The following CTNNA3 variants were observed in gnomAD, a reference collection of about 807,000 sequenced individuals.
CTNNA3 encodes catenin alpha 3, also known as catenin alpha-3.
Under a neutral mutation model 95.7 loss-of-function variants are expected in CTNNA3, and 76 were observed. The ratio of observed to expected loss-of-function variants is 0.79; its 90% CI spans 0.66 to 0.96. The LOEUF (loss-of-function observed/expected upper bound fraction) is 0.96, where lower values mean the gene tolerates loss of function less well. Ranked by LOEUF, CTNNA3 falls within the 40% of genes least tolerant of loss-of-function variation. CTNNA3 has a pLI of 0.00. For missense variants in CTNNA3, 1,191 were observed against 1,089.8 expected (o/e 1.09, Z -1.31); for synonymous variants, 431 against 374.4 (o/e 1.15, Z -1.74).
At chr10:66,909,442 G>A (rs182444876) in intron 7 of CTNNA3, among the ~76,000 whole-genome samples, 1 of 152,166 alleles carries the variant, frequency 6.6e-6, no homozygotes, top group Admixed American at 6.5e-5. Context: ...CCCAGAGGTG[G>A]AGGTTGTGGT....
At chr10:66,546,008 A>T (rs1842024417) in intron 10 of CTNNA3, among the ~76,000 whole-genome samples, 1 of 151,176 alleles carries the variant, frequency 6.6e-6, no homozygotes, top group African/African-American at 2.4e-5. Context: ...TTGTCAGTTA[A>T]GTATTTTGCA....
intron 7 of CTNNA3, among the ~76,000 whole-genome samples, chr10:66,863,954 G>A (rs1050291379): frequency 6.6e-6 from 1 of 152,168 alleles, no homozygotes; most frequent in African/African-American, 2.4e-5. Flanking sequence ...TGGCATTGAG[G>A]TAATTAACAG....
chr10:66,567,878 T>C (rs1387280218), intron 10 of CTNNA3, among the ~76,000 whole-genome samples: 2 of 152,164 alleles, frequency 1.3e-5, no homozygotes, highest in Admixed American at 6.5e-5. Flanking sequence ...GTTCTCCAAG[T>C]TACAATAATA....
chr10:66,039,541 TAATAG>T (rs1397083438), intron 15 of CTNNA3, among the ~76,000 whole-genome samples: 1 of 152,062 alleles, frequency 6.6e-6, no homozygotes, highest in Non-Finnish European at 1.5e-5. Flanking sequence ...TAGACCAACT[TAATAG>T]AATAGAGAGT....
chr10:67,468,788 C>T (rs1277887084), intron 5 of CTNNA3, among the ~76,000 whole-genome samples: 1 of 152,028 alleles, frequency 6.6e-6, no homozygotes, highest in Non-Finnish European at 1.5e-5. Context: ...TGAAAGCTGC[C>T]CAGCAACCGG....
At chr10:67,608,677 G>A (rs1370989464) in intron 2 of CTNNA3, among the ~76,000 whole-genome samples, 1 of 151,936 alleles carries the variant, frequency 6.6e-6, no homozygotes, top group Non-Finnish European at 1.5e-5. Flanking sequence ...GGGAAAAAAA[G>A]AAAGAAATGA....
chr10:65,971,471 C>G (rs2078101191), intron 16 of CTNNA3, among the ~76,000 whole-genome samples: 1 of 148,602 alleles, frequency 6.7e-6, no homozygotes, highest in Admixed American at 6.7e-5. Flanking sequence ...TAAGCACAGT[C>G]AGAAGTTATA....
intron 5 of CTNNA3, among the ~76,000 whole-genome samples, chr10:67,312,403 G>A (rs1270837158): frequency 6.6e-6 from 1 of 152,156 alleles, no homozygotes; most frequent in Non-Finnish European, 1.5e-5. Context: ...TTGGCTTTAA[G>A]TGTATCTTGG....
intron 1 of CTNNA3, among the ~76,000 whole-genome samples, chr10:67,755,284 A>G (rs919935489): frequency 6.6e-6 from 1 of 152,116 alleles, no homozygotes; most frequent in Admixed American, 6.6e-5. Flanking sequence ...GCATATCAAA[A>G]CTACAATGAG....
intron 11 of CTNNA3, among the ~76,000 whole-genome samples, chr10:66,462,720 T>C (rs1482645360): frequency 1.3e-5 from 2 of 152,234 alleles, no homozygotes; most frequent in East Asian, 3.9e-4. Context: ...CTTTATAATA[T>C]AGATACTAAT....
chr10:66,719,724 AT>A (rs1336683145), intron 9 of CTNNA3, among the ~76,000 whole-genome samples: 1 of 152,180 alleles, frequency 6.6e-6, no homozygotes, highest in Non-Finnish European at 1.5e-5. Flanking sequence ...AGAGAAACAT[AT>A]TTGAGTCACT....
chr10:66,351,543 C>A (rs1490942179), intron 12 of CTNNA3, among the ~76,000 whole-genome samples: 1 of 151,938 alleles, frequency 6.6e-6, no homozygotes, highest in Non-Finnish European at 1.5e-5. Context: ...TAATGAGATT[C>A]ATAATTTTAC....
At chr10:67,699,451 G>C (rs1026633552), upstream of CTNNA3, among the ~76,000 whole-genome samples, 1 of 152,120 alleles carries the variant, frequency 6.6e-6, no homozygotes, top group African/African-American at 2.4e-5. Flanking sequence ...CCTAACCTAT[G>C]GCTTCAAATG....
intron 11 of CTNNA3, among the ~76,000 whole-genome samples, chr10:66,418,979 G>A (rs1029381846): frequency 6.6e-6 from 1 of 152,022 alleles, no homozygotes; most frequent in Non-Finnish European, 1.5e-5. Context: ...ACAAGGATAT[G>A]TACTTCCACC....
Position 66,188,584 on chromosome 10 carries a change from AG to A in CTNNA3, c.1885-85336del, listed in dbSNP as rs1554883543. On this transcript the variant is annotated intron_variant, in intron 13 of 17. Coordinates refer to ENST00000433211, the MANE Select transcript of CTNNA3 (RefSeq NM_013266.4). ...CCATTTTCTGTGTGTGTGTGGGGGGAGGGGGGGTCTCTGTGTGTGTGTGTGT... is the reference window on the plus strand; with the variant it reads ...CCATTTTCTGTGTGTGTGTGGGGGGAGGGGGGTCTCTGTGTGTGTGTGTGT... Among the ~76,000 whole-genome samples, 96 of 60,238 alleles carry A rather than the reference AG, an allele frequency of 1.6e-3. 4 individuals are homozygous for A. Among genetic ancestry groups the A allele is most frequent in the Middle Eastern group, 7.1e-3 (1 of 140 alleles). The allele number at this position is 60,238 out of a possible 152,430, so 39.5% of individuals were successfully genotyped here. A position where few individuals can be genotyped will look rare whatever the true frequency, so the allele number is the denominator to read the frequency against.
chr10:66,185,084 C>T (rs551899416), intron 13 of CTNNA3, among the ~76,000 whole-genome samples: 1 of 152,302 alleles, frequency 6.6e-6, no homozygotes. Context: ...TAGCTATTGA[C>T]TGGGTATAAC....
chr10:66,885,113 T>C (rs140465170), intron 7 of CTNNA3, among the ~76,000 whole-genome samples: 34 of 152,260 alleles, frequency 2.2e-4, no homozygotes, highest in Middle Eastern at 3.4e-3. Context: ...AAGATGAGAC[T>C]ACTGTATCAG....
chr10:67,283,116 T>C (rs566223292), intron 5 of CTNNA3, among the ~76,000 whole-genome samples: 1 of 152,256 alleles, frequency 6.6e-6, no homozygotes, highest in Admixed American at 6.5e-5. Context: ...GTTTCCCCAC[T>C]CAGTTTTTTA....
At chr10:67,258,955 T>G (rs1284400031) in intron 5 of CTNNA3, among the ~76,000 whole-genome samples, 2 of 152,124 alleles carry the variant, frequency 1.3e-5, no homozygotes, top group African/African-American at 2.4e-5. Context: ...CTCATATCCT[T>G]TAAATCATCT....
Sources: allele counts gnomAD v4.1 joint callset (sites outside exome capture counted in the v4.1 genomes callset), GRCh38; gene constraint gnomAD v4.1.1; transcripts MANE v1.5; gene names NCBI Gene and HGNC (gene_info 2026-07-23, HGNC 2026-07-21).